ATP6V1G3: variants seen among roughly 807,000 people sequenced by gnomAD.
The protein encoded by ATP6V1G3 is ATPase H+ transporting V1 subunit G3.
A neutral mutation model predicts 9.3 loss-of-function variants in ATP6V1G3; 9 were observed. That is an observed-to-expected ratio of 0.97 (90% CI 0.59 to 1.69). The LOEUF (loss-of-function observed/expected upper bound fraction) is 1.69. Among genes scored for constraint, ATP6V1G3 ranks in the 40% most tolerant of loss-of-function variants. The pLI is 0.00. For missense variants in ATP6V1G3, 133 were observed against 139.0 expected, an observed-to-expected ratio of 0.96 and a Z score of 0.22; for synonymous variants, 43 against 43.8, an observed-to-expected ratio of 0.98 and a Z score of 0.07.
At chr1:198,539,194 GA>G (rs1398146273) in intron 1 of ATP6V1G3, among the ~76,000 whole-genome samples, 1 of 152,094 alleles carries the variant, frequency 6.6e-6, no homozygotes, top group Non-Finnish European at 1.5e-5. Flanking sequence ...TTTATCTTAA[GA>G]AAAGGAAATG....
intron 2 of ATP6V1G3, among the ~76,000 whole-genome samples, chr1:198,528,157 C>T (rs1033955277): frequency 4.6e-5 from 7 of 152,048 alleles, no homozygotes; most frequent in African/African-American, 1.7e-4. Flanking sequence ...TGTTTGCAAA[C>T]ATTGATAAAA....
rs764645030 is a variant in ATP6V1G3, at chr1:198,540,549, C to T, written c.82+20G>A. ...CTGCTTTGTTTATTTCGTGACAGAC[C>T]CCTCACAGGTGAGACTTACTCTTCT... On this transcript the variant is annotated intron_variant, in intron 1 of 2. Coordinates refer to ENST00000367382, the MANE Select transcript of ATP6V1G3 (RefSeq NM_001376861.1). The T allele has an allele frequency of 6.2e-7, 1 of 1,606,618 alleles. No individual in the cohort carries two copies. Among genetic ancestry groups the T allele is most frequent in the Non-Finnish European group, 8.5e-7 (1 of 1,173,258 alleles).
In ATP6V1G3 at chr1:198,529,169, C is replaced by A; in HGVS notation, c.95G>T (p.Arg32Leu). Residue 32 changes from arginine (R) to leucine (L), a missense_variant, in exon 2 of 3, where the codon CGA becomes CTA. Transcript: ENST00000367382. ...TGCTTCCTCCTTGGCTTGCTTCAAT[C>A]GCTTTCCTTTTCCTGAAAATTAACA... is the stretch of plus-strand genomic sequence containing the variant. ...LEEAKKRKGK[R>L]LKQAKEEAMV... The A allele has an allele frequency of 7.3e-7, 1 of 1,367,084 alleles. No individual in the cohort carries two copies. Among genetic ancestry groups the A allele is most frequent in the Non-Finnish European group, 9.5e-7 (1 of 1,047,150 alleles). The allele number at this position is 1,367,084 out of a possible 1,614,324, so 84.7% of individuals were successfully genotyped here.
chr1:198,528,908 A>G (rs1357586545), intron 2 of ATP6V1G3, among the ~76,000 whole-genome samples, 173 bp downstream of exon 2: 3 of 151,286 alleles, frequency 2.0e-5, no homozygotes, highest in Admixed American at 2.0e-4. Flanking sequence ...TTGAAAGTGA[A>G]AATGTAAAAT....
rs145474248 is a variant in ATP6V1G3 at position 198,527,065 on chromosome 1, G to C, written c.183+2016C>G. ...TGAAAAATCACATATATTAACAAGAGCTAAAAAGCAACAAAAAGTAACATC... is the reference window on the plus strand; with the variant it reads ...TGAAAAATCACATATATTAACAAGACCTAAAAAGCAACAAAAAGTAACATC... On this transcript the variant is annotated intron_variant, in intron 2 of 2. Transcript: ENST00000367382. 4.0e-4 allele frequency among the ~76,000 whole-genome samples: 61 copies of C among 152,238 alleles called. 1 individual carries two copies. In the East Asian group the frequency reaches 0.012, roughly 29 times the overall value.
At chr1:198,524,994 C>T (rs1457776051) in intron 2 of ATP6V1G3, among the ~76,000 whole-genome samples, 1 of 152,154 alleles carries the variant, frequency 6.6e-6, no homozygotes, top group Non-Finnish European at 1.5e-5. Flanking sequence ...CAAGTTCTTT[C>T]TGTTTACAGT....
chr1:198,529,977 C>CT (rs751758693), intron 1 of ATP6V1G3, among the ~76,000 whole-genome samples: 52 of 152,054 alleles, frequency 3.4e-4, no homozygotes, highest in Non-Finnish European at 7.1e-4. Flanking sequence ...GAGCACATGA[C>CT]TTTTTTTGAC....
rs377749734 is a variant in ATP6V1G3, at chr1:198,523,505, T to A, written c.243A>T (p.Ile81=). The A allele has an allele frequency of 6.2e-7, 1 of 1,613,714 alleles. No homozygotes were observed. Among genetic ancestry groups the A allele is most frequent in the Non-Finnish European group, 8.5e-7 (1 of 1,179,772 alleles). The change falls in exon 3 of 3, where the codon ATA becomes ATT. Residue 81 remains isoleucine, a synonymous_variant. Coordinates refer to ENST00000367382, the MANE Select transcript of ATP6V1G3 (RefSeq NM_001376861.1). ...DEIEEQTLGK[I]QELNGHYNKY... ...TATTGTAGTGTCCATTAAGTTCTTG[T>A]ATCTTCCCTAGTGTTTGTTCTTCTA...
chr1:198,525,136 T>C (rs1212021434), intron 2 of ATP6V1G3, among the ~76,000 whole-genome samples: 1 of 152,224 alleles, frequency 6.6e-6, no homozygotes, highest in African/African-American at 2.4e-5. Context: ...ATGGATCGAA[T>C]TTCCCTTGCT....
At chr1:198,525,323 C>T (rs1659612723) in intron 2 of ATP6V1G3, among the ~76,000 whole-genome samples, 1 of 152,128 alleles carries the variant, frequency 6.6e-6, no homozygotes, top group African/African-American at 2.4e-5. Flanking sequence ...GAAACTATTA[C>T]CTACTTTTCT....
chr1:198,536,812 A>T, intron 1 of ATP6V1G3: 1 of 1,010,080 alleles, frequency 9.9e-7, no homozygotes, highest in Non-Finnish European at 1.5e-6. Flanking sequence ...ACATACAAAA[A>T]TACATGACAT....
chr1:198,532,299 T>C (rs1057414766), intron 1 of ATP6V1G3, among the ~76,000 whole-genome samples: 1 of 152,058 alleles, frequency 6.6e-6, no homozygotes, highest in Admixed American at 6.6e-5. Context: ...AGGAGGAAGG[T>C]TGGAAGGAGC....
intron 1 of ATP6V1G3, chr1:198,536,623 T>A: frequency 2.1e-6 from 3 of 1,421,848 alleles, no homozygotes; most frequent in Non-Finnish European, 2.9e-6. Context: ...AACTAATAAA[T>A]ATAACCTGTA....
intron 1 of ATP6V1G3, among the ~76,000 whole-genome samples, chr1:198,532,550 T>C (rs973449083): frequency 1.3e-5 from 2 of 151,946 alleles, no homozygotes; most frequent in Non-Finnish European, 2.9e-5. Flanking sequence ...AAATAGAAAA[T>C]GGACAATAAG....
chr1:198,537,050 A>G (rs985829272), intron 1 of ATP6V1G3, among the ~76,000 whole-genome samples: 46 of 152,140 alleles, frequency 3.0e-4, no homozygotes, highest in Non-Finnish European at 2.4e-4. Flanking sequence ...TCCCAGTCTG[A>G]CTTCCGAAGC....
At position 198,523,313 on chromosome 1, in the gene ATP6V1G3, C is replaced by G; in HGVS notation, c.*78G>C. The G allele has an allele frequency of 7.2e-7, 1 of 1,390,524 alleles. No homozygotes were observed. The highest frequency in any genetic ancestry group is 9.8e-7 in the Non-Finnish European group (1 of 1,018,544). The allele number at this position is 1,390,524 out of a possible 1,614,324, so 86.1% of individuals were successfully genotyped here. A position where few individuals can be genotyped will look rare whatever the true frequency, so the allele number is the denominator to read the frequency against. On this transcript the variant is annotated 3_prime_UTR_variant, in exon 3 of 3. Transcript: ENST00000367382. Reference sequence around the variant, plus strand: ...TTTAAGGTTCTCATTTCAAATTTCTCAACATAAAAATACGAAGCCATAAGC... The same window carrying G: ...TTTAAGGTTCTCATTTCAAATTTCTGAACATAAAAATACGAAGCCATAAGC...
intron 1 of ATP6V1G3, among the ~76,000 whole-genome samples, chr1:198,538,615 T>C (rs890358468): frequency 2.0e-5 from 3 of 152,036 alleles, no homozygotes; most frequent in Non-Finnish European, 2.9e-5. Context: ...TAAAGAAGTT[T>C]TTAAAAAGGC....
chr1:198,530,601 G>A (rs184624552), intron 1 of ATP6V1G3, among the ~76,000 whole-genome samples: 1 of 152,202 alleles, frequency 6.6e-6, no homozygotes, highest in African/African-American at 2.4e-5. Flanking sequence ...CTGCTCTTCT[G>A]TTGCTTGAGG....
At chr1:198,527,030 T>A (rs1388940523) in intron 2 of ATP6V1G3, among the ~76,000 whole-genome samples, 1 of 152,164 alleles carries the variant, frequency 6.6e-6, no homozygotes, top group Non-Finnish European at 1.5e-5. Flanking sequence ...CGTTGATAAG[T>A]CAGGGGACTT....
Sources: gnomAD v4.1 joint callset for allele counts (sites outside exome capture counted in the v4.1 genomes callset) on GRCh38, gnomAD v4.1.1 for gene constraint, MANE v1.5 for transcripts, NCBI Gene and HGNC (gene_info 2026-07-23, HGNC 2026-07-21) for gene names.